NRG3: variants seen among roughly 807,000 people sequenced by gnomAD.
NRG3 encodes the protein pro-neuregulin-3, membrane-bound isoform.
A neutral mutation model predicts 66.9 loss-of-function variants in NRG3; 31 were observed. That is an observed-to-expected ratio of 0.46 (90% CI 0.35 to 0.63). NRG3 has a LOEUF of 0.63. NRG3 is among the 20% of genes least tolerant of loss of function. The pLI is 0.00. For synonymous variants in NRG3, 393 were observed against 359.4 expected (o/e 1.09, Z -1.06); for missense variants, 910 against 878.9 (o/e 1.04, Z -0.45).
At chr10:81,992,541 T>C (rs1003496913) in intron 1 of NRG3, among the ~76,000 whole-genome samples, 2 of 152,234 alleles carry the variant, frequency 1.3e-5, no homozygotes, top group East Asian at 3.8e-4. Flanking sequence ...ATGACTTTTA[T>C]AATAAATAAT....
At chr10:82,574,765 T>C (rs2133152164) in intron 2 of NRG3, among the ~76,000 whole-genome samples, 2 of 151,912 alleles carry the variant, frequency 1.3e-5, no homozygotes, top group Middle Eastern at 3.4e-3. Context: ...TAGATAAACC[T>C]AAAGTTTATG....
intron 5 of NRG3, among the ~76,000 whole-genome samples, chr10:82,957,531 G>A (rs1341685563): frequency 6.6e-6 from 1 of 151,926 alleles, no homozygotes; most frequent in African/African-American, 2.4e-5. Context: ...GCCGGAGAAG[G>A]ACATGAAGGG....
At chr10:82,415,246 A>G (rs932467228) in intron 2 of NRG3, among the ~76,000 whole-genome samples, 8 of 152,128 alleles carry the variant, frequency 5.3e-5, no homozygotes, top group East Asian at 1.9e-4. Context: ...TTTTTCACCT[A>G]TTTTTATTCA....
chr10:81,933,467 T>C (rs1847580247), intron 1 of NRG3, among the ~76,000 whole-genome samples: 1 of 152,214 alleles, frequency 6.6e-6, no homozygotes, highest in Non-Finnish European at 1.5e-5. Context: ...TTAGGGTACA[T>C]GTGCACATCG....
At chr10:82,295,387 G>T (rs570609116) in intron 1 of NRG3, among the ~76,000 whole-genome samples, 1 of 152,238 alleles carries the variant, frequency 6.6e-6, no homozygotes, top group South Asian at 2.1e-4. Context: ...AATGAACAAT[G>T]AGCCTAGTGT....
At chr10:81,882,944 C>A (rs1485519965) in intron 1 of NRG3, among the ~76,000 whole-genome samples, 6 of 152,076 alleles carry the variant, frequency 3.9e-5, no homozygotes, top group Admixed American at 3.9e-4. Flanking sequence ...CTATTTCCAG[C>A]ATATGTTTAT....
chr10:82,029,827 G>A (rs2062480730), intron 1 of NRG3, among the ~76,000 whole-genome samples: 1 of 152,050 alleles, frequency 6.6e-6, no homozygotes, highest in East Asian at 1.9e-4. Context: ...AGCTAATTAG[G>A]AGTTTGGGAC....
chr10:82,251,817 T>C (rs2077502536), intron 1 of NRG3, among the ~76,000 whole-genome samples: 2 of 152,142 alleles, frequency 1.3e-5, no homozygotes, highest in Admixed American at 1.3e-4. Flanking sequence ...CTCCAATCAC[T>C]GCAGGCCTGG....
intron 1 of NRG3, among the ~76,000 whole-genome samples, chr10:82,070,190 A>G (rs976369183): frequency 2.0e-5 from 3 of 152,100 alleles, no homozygotes; most frequent in Non-Finnish European, 2.9e-5. Context: ...ACCCAGAGTG[A>G]TCTCCCTGTC....
chr10:82,894,883 C>T (rs1843498768), intron 4 of NRG3, among the ~76,000 whole-genome samples: 2 of 152,126 alleles, frequency 1.3e-5, no homozygotes, highest in South Asian at 4.1e-4. Context: ...TGTGCTAATG[C>T]TCTCCCTCCC....
intron 2 of NRG3, among the ~76,000 whole-genome samples, chr10:82,606,953 G>T (rs1158265064): frequency 6.6e-6 from 1 of 151,952 alleles, no homozygotes; most frequent in Non-Finnish European, 1.5e-5. Flanking sequence ...CCACACTTTG[G>T]CCCATCACCC....
At chr10:82,650,632 A>G (rs1212612488) in intron 2 of NRG3, among the ~76,000 whole-genome samples, 2 of 152,240 alleles carry the variant, frequency 1.3e-5, no homozygotes, top group Non-Finnish European at 2.9e-5. Flanking sequence ...ATGCTGGGCC[A>G]TGCATCCACA....
chr10:82,217,476 A>T (rs2133729234), intron 1 of NRG3, among the ~76,000 whole-genome samples: 1 of 152,250 alleles, frequency 6.6e-6, no homozygotes, highest in East Asian at 1.9e-4. Context: ...TGTGCTCTTG[A>T]GGTTATTCTG....
At chr10:82,644,637 CA>C (rs2050811210) in intron 2 of NRG3, among the ~76,000 whole-genome samples, 1 of 152,082 alleles carries the variant, frequency 6.6e-6, no homozygotes, top group African/African-American at 2.4e-5. Flanking sequence ...CAAATAGAGG[CA>C]AAATTTGTTT....
intron 2 of NRG3, among the ~76,000 whole-genome samples, chr10:82,610,306 T>TATATGCATATATA (rs137990109): frequency 0.46 from 69,244 of 151,968 alleles, 17,473 homozygotes; most frequent in African/African-American, 0.66. Context: ...AGAGACCCTC[T>TATATGCATATATA]TGCCGTGTAA....
In NRG3 at chr10:82,434,769, C is replaced by A. The variant is rs117049693; in HGVS notation, c.953+75901C>A. On this transcript the variant is annotated intron_variant, in intron 2 of 8. Coordinates refer to ENST00000372141, the MANE Select transcript of NRG3 (RefSeq NM_001010848.4). The stretch of plus-strand genomic sequence containing the variant: ...TGTTTATTGATTTGTGTATGTTGAA[C>A]CAGCTTTGTGTCCCAGAGGTGAAGC... 5.0e-4 allele frequency among the ~76,000 whole-genome samples: 76 copies of A among 152,230 alleles called. 1 individual carries two copies. The highest frequency in any genetic ancestry group is 8.2e-4 in the Non-Finnish European group (56 of 68,024).
intron 1 of NRG3, among the ~76,000 whole-genome samples, chr10:81,989,533 T>C (rs549762746): frequency 8.5e-5 from 13 of 152,322 alleles, no homozygotes; most frequent in African/African-American, 3.1e-4. Flanking sequence ...GTGGAGAATT[T>C]GAAGATGAAT....
intron 1 of NRG3, among the ~76,000 whole-genome samples, chr10:81,945,357 C>T (rs774898253): frequency 6.6e-5 from 10 of 151,860 alleles, no homozygotes; most frequent in African/African-American, 1.5e-4. Flanking sequence ...TCTTCCCCTG[C>T]GCTAGGCTGT....
intron 1 of NRG3, among the ~76,000 whole-genome samples, chr10:82,063,569 A>G (rs987837904): frequency 6.7e-5 from 10 of 150,218 alleles, no homozygotes; most frequent in African/African-American, 2.5e-4. Context: ...CGGTGCCCTT[A>G]ATAAACCCAT....
Sources: gnomAD v4.1 joint callset for allele counts (sites outside exome capture counted in the v4.1 genomes callset) on GRCh38, gnomAD v4.1.1 for gene constraint, MANE v1.5 for transcripts, NCBI Gene and HGNC (gene_info 2026-07-23, HGNC 2026-07-21) for gene names.